Variants in ITGA4 observed in about 807,000 individuals in gnomAD.
ITGA4 encodes integrin alpha-4.
ITGA4 carries 63 observed loss-of-function variants against 133.6 expected under a neutral mutation model. The ratio of observed to expected loss-of-function variants is 0.47; its 90% CI spans 0.38 to 0.58. The LOEUF is 0.58. ITGA4 is among the 20% of genes least tolerant of loss of function. The pLI, the probability that ITGA4 is intolerant of heterozygous loss-of-function variation, is 0.00. For synonymous variants in ITGA4, 483 were observed against 438.0 expected, an observed-to-expected ratio of 1.10 and a Z score of -1.28; for missense variants, 1,076 against 1,252.7, an observed-to-expected ratio of 0.86 and a Z score of 2.13.
intron 4 of ITGA4, 68 bp downstream of exon 4, chr2:181,475,356 T>G (rs977272047): frequency 7.9e-7 from 1 of 1,272,300 alleles, no homozygotes; most frequent in Non-Finnish European, 1.1e-6. Context: ...GTTTTAAATT[T>G]ATGTTCAAGT....
intron 15 of ITGA4, 54 bp downstream of exon 15, chr2:181,498,831 G>T: frequency 6.6e-7 from 1 of 1,523,510 alleles, no homozygotes; most frequent in South Asian, 1.3e-5. Flanking sequence ...GTTGTTGATA[G>T]AGAGCAACTT....
At chr2:181,480,065 A>G (rs780717854) in intron 5 of ITGA4, 72 bp from the exon 6 acceptor site, 1 of 1,035,366 alleles carries the variant, frequency 9.7e-7, no homozygotes, top group Non-Finnish European at 1.4e-6. Context: ...TCTCTTCACT[A>G]TCGTGTATCT....
chr2:181,501,723 T>C (rs886911060), intron 15 of ITGA4, among the ~76,000 whole-genome samples: 4 of 152,164 alleles, frequency 2.6e-5, no homozygotes, highest in African/African-American at 9.6e-5. Context: ...CTGAGCCACT[T>C]GGAAATGTAG....
chr2:181,497,821 C>T (rs1671836355), intron 14 of ITGA4, among the ~76,000 whole-genome samples: 1 of 151,704 alleles, frequency 6.6e-6, no homozygotes, highest in Non-Finnish European at 1.5e-5. Context: ...TGAAATGGTT[C>T]TCACTTTCTT....
chr2:181,531,191 T>C (rs1473334853), intron 24 of ITGA4, among the ~76,000 whole-genome samples: 1 of 152,162 alleles, frequency 6.6e-6, no homozygotes, highest in Non-Finnish European at 1.5e-5. Flanking sequence ...CAAGACATTG[T>C]TCCAGACCCT....
chr2:181,475,413 T>C, intron 4 of ITGA4, 125 bp downstream of exon 4: 1 of 738,830 alleles, frequency 1.4e-6, no homozygotes, highest in Non-Finnish European at 2.2e-6. Context: ...TTATGTTCTT[T>C]TTAACTACTC....
chr2:181,537,489 CT>C lies in ITGA4; in HGVS notation c.*1968del. On this transcript the variant is annotated 3_prime_UTR_variant, in exon 28 of 28. Coordinates refer to ENST00000397033, the MANE Select transcript of ITGA4 (RefSeq NM_000885.6). The stretch of plus-strand genomic sequence containing the variant: ...TTTAAGAAGACAGGGATGGGTTATT[CT>C]TTTTTGGCAGGTAGGCTATATAACT... The C allele has an allele frequency of 2.2e-6, 1 of 453,530 alleles. No homozygotes were observed. The highest frequency in any genetic ancestry group is 4.4e-6 in the Non-Finnish European group (1 of 226,534). 28.1% of individuals were successfully genotyped at this position (453,530 alleles called of 1,614,324 possible).
chr2:181,496,010 C>T (rs751794183), intron 14 of ITGA4, 73 bp downstream of exon 14: 1 of 1,473,422 alleles, frequency 6.8e-7, no homozygotes, highest in Non-Finnish European at 9.3e-7. Context: ...CTGCTTGGAG[C>T]CCTCACCGGT....
chr2:181,525,289 T>A lies in ITGA4; in HGVS notation c.2337T>A (p.His779Gln). Residue 779 changes from histidine (H) to glutamine (Q), a missense_variant and splice_region_variant, in exon 21 of 28, where the codon CAT (histidine) becomes CAA (glutamine). By Grantham distance (24) the His-to-Gln change is conservative. Around this residue, in one of 4 missense-constraint regions of ITGA4, gnomAD observed 365 missense variants for 421.4 expected, o/e 0.87. Coordinates refer to ENST00000397033, the MANE Select transcript of ITGA4 (RefSeq NM_000885.6). ...PLKYEVKLTVHGFVNPTSFVY... is the reference protein window; with the variant it reads ...PLKYEVKLTVQGFVNPTSFVY... ...AATATGAGGTTAAGCTGACTGTTCA[T>A]GGGTAAGTAGACATAAAGGCTTCCT... 1 of 1,537,330 alleles carries A rather than the reference T, an allele frequency of 6.5e-7. No homozygotes were observed. The highest frequency in any genetic ancestry group is 9.0e-7 in the Non-Finnish European group (1 of 1,111,492).
In ITGA4 at chr2:181,537,143, ATAAAAAGGCTAGTCATTC is replaced by A. The variant is rs1362505428; in HGVS notation, c.*1618_*1635del. ...TATTTTTAAAAAACTTTGTATCGTT[ATAAAAAGGCTAGTCATTC>A]TTTCAGGAGAACATCTAGGATCATA... On this transcript the variant is annotated 3_prime_UTR_variant, in exon 28 of 28. Transcript: ENST00000397033. 4.4e-6 allele frequency: 2 copies of A among 453,770 alleles called. No individual in the cohort carries two copies. The highest frequency in any genetic ancestry group is 3.1e-5 in the South Asian group (2 of 64,434). 28.1% of individuals were successfully genotyped at this position (453,770 alleles called of 1,614,324 possible).
At chr2:181,525,405 C>CTTT (rs879744100) in intron 21 of ITGA4, 114 bp downstream of exon 21, 273 of 585,054 alleles carry the variant, frequency 4.7e-4, no homozygotes, top group Non-Finnish European at 3.6e-5. Flanking sequence ...AAAGGATACT[C>CTTT]TATCTTTTAA....
intron 1 of ITGA4, 89 bp downstream of exon 1, chr2:181,457,940 C>T (rs984716088): frequency 1.5e-6 from 2 of 1,311,974 alleles, no homozygotes; most frequent in Non-Finnish European, 2.1e-6. Flanking sequence ...TCAAACTTTC[C>T]TCCCTCCCAA....
rs1687333978 is a variant in ITGA4 at position 181,538,713 on chromosome 2, C to A, written c.*3186C>A. Among the ~76,000 whole-genome samples the A allele has an allele frequency of 6.6e-6, 1 of 152,080 alleles. No individual in the cohort carries two copies. The highest frequency in any genetic ancestry group is 2.1e-4 in the South Asian group (1 of 4,820). ...TACAGTAATTATGAGTGAGAGGAAA[C>A]TAAGATGGAAGGATAAAAATCTAAC... On this transcript the variant is annotated 3_prime_UTR_variant, in exon 28 of 28. Coordinates refer to ENST00000397033, the MANE Select transcript of ITGA4 (RefSeq NM_000885.6).
At chr2:181,469,736 T>TA (rs1182495823) in intron 2 of ITGA4, among the ~76,000 whole-genome samples, 2 of 152,020 alleles carry the variant, frequency 1.3e-5, no homozygotes, top group African/African-American at 2.4e-5. Context: ...TATGCAGCCA[T>TA]AAAAAAGGAT....
chr2:181,485,980 G>A lies in ITGA4; in HGVS notation c.1141G>A (p.Asp381Asn). ...AGTTAATCTTGGCGACATTGACAAT[G>A]ATGGCTTTGAAGGTAATTAAAATTA... ...SIVNLGDIDN[D>N]GFEDVAIGAP... is the part of the protein sequence containing the mutation. The change falls in exon 10 of 28, where the codon GAT becomes AAT. Residue 381 changes from aspartate to asparagine, a missense_variant. Physicochemically the swap from Asp to Asn is conservative, Grantham distance 23. Around this residue, in one of 4 missense-constraint regions of ITGA4, gnomAD observed 436 missense variants for 590.7 expected, o/e 0.74. Coordinates refer to ENST00000397033, the MANE Select transcript of ITGA4 (RefSeq NM_000885.6). 6.3e-7 allele frequency: 1 copy of A among 1,595,284 alleles called. No individual in the cohort carries two copies. The highest frequency in any genetic ancestry group is 1.2e-5 in the South Asian group (1 of 86,586).
chr2:181,494,241 T>A (rs1686115087), intron 11 of ITGA4, among the ~76,000 whole-genome samples: 1 of 152,218 alleles, frequency 6.6e-6, no homozygotes, highest in Non-Finnish European at 1.5e-5. Flanking sequence ...ACTAAGTGAT[T>A]ATAGACATCT....
In ITGA4 at chr2:181,482,582, C is replaced by G. The variant is rs202006291; in HGVS notation, c.972C>G (p.Leu324=). Reference sequence around the variant, plus strand: ...ATGCAGATGGCTTCTCAGATCTGCTCGTGGGAGCACCCATGCAGAGCACCA... The same window carrying G: ...ATGCAGATGGCTTCTCAGATCTGCTGGTGGGAGCACCCATGCAGAGCACCA... ...DLNADGFSDL[L]VGAPMQSTIR... Residue 324 remains leucine, a synonymous_variant, in exon 9 of 28, where the codon CTC becomes CTG. Coordinates refer to ENST00000397033, the MANE Select transcript of ITGA4 (RefSeq NM_000885.6). 1 of 1,613,532 alleles carries G rather than the reference C, an allele frequency of 6.2e-7. No individual in the cohort carries two copies. The highest frequency in any genetic ancestry group is 8.5e-7 in the Non-Finnish European group (1 of 1,179,680).
chr2:181,477,507 C>T lies in ITGA4; in HGVS notation c.557-1250C>T, dbSNP rs78568277. Among the ~76,000 whole-genome samples the T allele has an allele frequency of 7.9e-3, 1,202 of 152,056 alleles. 14 individuals are homozygous for T. Among genetic ancestry groups the T allele is most frequent in the African/African-American group, 0.027 (1,123 of 41,486 alleles). On this transcript the variant is annotated intron_variant, in intron 4 of 27. Coordinates refer to ENST00000397033, the MANE Select transcript of ITGA4 (RefSeq NM_000885.6). ...TCTCACCAACTCGATAGCAAAAAACCAAATAACTGATTAAAAATTAGTCAA... is the reference window on the plus strand; with the variant it reads ...TCTCACCAACTCGATAGCAAAAAACTAAATAACTGATTAAAAATTAGTCAA...
chr2:181,525,242 G>C lies in ITGA4; in HGVS notation c.2290G>C (p.Val764Leu). ...AATGGACAATCTAAAGCACAGCAGA[G>C]TGACTGTAGCAATACCTTTAAAATA... ...EEMDNLKHSR[V>L]TVAIPLKYEV... Residue 764 changes from valine to leucine, a missense_variant, in exon 21 of 28, where the codon GTG (valine) becomes CTG (leucine). By Grantham distance (32) the Val-to-Leu change is conservative (BLOSUM62 1). Transcript: ENST00000397033. 1 of 1,608,874 alleles carries C rather than the reference G, an allele frequency of 6.2e-7. No individual in the cohort carries two copies. The highest frequency in any genetic ancestry group is 1.1e-5 in the South Asian group (1 of 90,964).
Sources: allele counts gnomAD v4.1 joint callset (sites outside exome capture counted in the v4.1 genomes callset), GRCh38; gene constraint gnomAD v4.1.1; regional missense constraint gnomAD v4.1.1; transcripts MANE v1.5; gene names NCBI Gene and HGNC (gene_info 2026-07-23, HGNC 2026-07-21).